NAV3: variants seen among roughly 807,000 people sequenced by gnomAD.
NAV3 encodes neuron navigator 3, also known as pore membrane and/or filament interacting like protein 1.
Under a neutral mutation model 244.7 loss-of-function variants are expected in NAV3, and 87 were observed. The ratio of observed to expected loss-of-function variants is 0.36; its 90% CI spans 0.30 to 0.42. NAV3 has a LOEUF of 0.42. NAV3 is among the 20% of genes least tolerant of loss of function. NAV3 has a pLI of 1.00. For synonymous variants in NAV3, 1,126 were observed against 1,042.2 expected (o/e 1.08, Z -1.55); for missense variants, 2,663 against 2,893.3 (o/e 0.92, Z 1.83).
chr12:78,041,940 CCTTT>C (rs1370623305), intron 9 of NAV3, among the ~76,000 whole-genome samples: 10 of 151,940 alleles, frequency 6.6e-5, no homozygotes, highest in Non-Finnish European at 1.3e-4. Flanking sequence ...CTTTTTGTTC[CCTTT>C]CTTTTTCTTC....
chr12:77,750,078 G>T (rs1194368245), intron 2 of NAV3, among the ~76,000 whole-genome samples: 2 of 152,138 alleles, frequency 1.3e-5, no homozygotes, highest in Admixed American at 6.5e-5. Flanking sequence ...TGTTGGCTAG[G>T]TGCGGTGGCT....
At chr12:78,062,408 A>G (rs1997183) in intron 12 of NAV3, among the ~76,000 whole-genome samples, 14,938 of 152,144 alleles carry the variant, frequency 0.098, 909 homozygotes, top group South Asian at 0.2. Context: ...GACATTGTAA[A>G]TCAAAAATAG....
chr12:78,204,304 A>G (rs375407225), intron 38 of NAV3, among the ~76,000 whole-genome samples: 1 of 152,114 alleles, frequency 6.6e-6, no homozygotes. Context: ...ATGTATACAT[A>G]TGTAACAATC....
chr12:77,791,919 A>G (rs984790214), intron 2 of NAV3, among the ~76,000 whole-genome samples: 5 of 152,248 alleles, frequency 3.3e-5, no homozygotes, highest in Non-Finnish European at 7.3e-5. Flanking sequence ...CATAGGTTAT[A>G]TGTTAATACT....
intron 2 of NAV3, among the ~76,000 whole-genome samples, chr12:77,765,003 C>T (rs1363460016): frequency 2.6e-5 from 4 of 152,214 alleles, no homozygotes; most frequent in Non-Finnish European, 5.9e-5. Flanking sequence ...TAAAAGGTTT[C>T]ATGAATCATA....
At position 77,702,536 on chromosome 12, in the gene NAV3, G is replaced by A. The variant is rs186231314; in HGVS notation, c.72+130270G>A. On this transcript the variant is annotated intron_variant, in intron 2 of 8. Transcript: ENST00000550042. ...ATTTTTTGTGCGTCTTTTCTTTCCT[G>A]CTTTCTTTCATAAAAACAGATTTGA... 3.6e-3 allele frequency among the ~76,000 whole-genome samples: 540 copies of A among 151,742 alleles called. 1 individual carries two copies. The highest frequency in any genetic ancestry group is 4.6e-3 in the Non-Finnish European group (315 of 67,772).
At chr12:77,888,268 T>TGAGACCAG (rs1883527700) in intron 1 of NAV3, among the ~76,000 whole-genome samples, 1 of 152,078 alleles carries the variant, frequency 6.6e-6, no homozygotes, top group Non-Finnish European at 1.5e-5. Flanking sequence ...GGGGATTACT[T>TGAGACCAG]GAGACCAGGA....
chr12:77,853,045 G>A (rs1474926240), intron 1 of NAV3, among the ~76,000 whole-genome samples: 1 of 152,176 alleles, frequency 6.6e-6, no homozygotes, highest in African/African-American at 2.4e-5. Flanking sequence ...GCTTTCATGA[G>A]TACGATTACT....
chr12:77,699,188 C>G (rs989224071), intron 2 of NAV3, among the ~76,000 whole-genome samples: 6 of 152,066 alleles, frequency 3.9e-5, no homozygotes, highest in Admixed American at 3.9e-4. Context: ...GACACGCTGG[C>G]TGTCTAGGGA....
intron 2 of NAV3, among the ~76,000 whole-genome samples, chr12:77,646,442 C>G (rs1393940159): frequency 2.0e-5 from 3 of 152,084 alleles, no homozygotes. Flanking sequence ...TGTCCTGAAG[C>G]AGAGGTGAAG....
At chr12:77,976,300 T>G (rs574428034) in intron 5 of NAV3, among the ~76,000 whole-genome samples, 1 of 151,938 alleles carries the variant, frequency 6.6e-6, no homozygotes, top group Admixed American at 6.6e-5. Context: ...CATGGAAAAA[T>G]AAGCAGATAG....
chr12:77,616,261 G>A (rs1227677616), intron 2 of NAV3, among the ~76,000 whole-genome samples: 2 of 151,972 alleles, frequency 1.3e-5, no homozygotes, highest in African/African-American at 4.8e-5. Flanking sequence ...ACAAAAATTA[G>A]CCAGGCATGG....
At chr12:77,958,261 T>G (rs1484649818) in intron 3 of NAV3, among the ~76,000 whole-genome samples, 12 of 152,208 alleles carry the variant, frequency 7.9e-5, no homozygotes, top group Non-Finnish European at 1.2e-4. Flanking sequence ...ATGTGAGTAG[T>G]TGAAATAATT....
chr12:77,686,929 C>G (rs895928239), intron 2 of NAV3, among the ~76,000 whole-genome samples: 2 of 151,588 alleles, frequency 1.3e-5, no homozygotes, highest in African/African-American at 4.9e-5. Context: ...CAAAACAAGC[C>G]TAAACATGTG....
intron 9 of NAV3, among the ~76,000 whole-genome samples, chr12:78,026,360 C>A (rs920924241): frequency 6.6e-6 from 1 of 152,106 alleles, no homozygotes. Context: ...TTGTACCCCT[C>A]GAAAACTCTT....
At chr12:77,806,157 C>G (rs1592699368) in intron 2 of NAV3, among the ~76,000 whole-genome samples, 2 of 152,106 alleles carry the variant, frequency 1.3e-5, no homozygotes, top group Non-Finnish European at 2.9e-5. Context: ...TTTTGTGTCT[C>G]TATCTCCTTC....
chr12:78,153,098 G>T (rs1266583353), intron 22 of NAV3, among the ~76,000 whole-genome samples: 1 of 151,742 alleles, frequency 6.6e-6, no homozygotes, highest in Non-Finnish European at 1.5e-5. Flanking sequence ...TTGGTATATC[G>T]CATATTTAAA....
At chr12:77,853,464 A>G (rs1877864245) in intron 1 of NAV3, among the ~76,000 whole-genome samples, 1 of 152,160 alleles carries the variant, frequency 6.6e-6, no homozygotes, top group African/African-American at 2.4e-5. Flanking sequence ...CTTTTGGGAA[A>G]CATAAATTCT....
chr12:77,941,907 A>ACTC (rs1889907051), intron 3 of NAV3, among the ~76,000 whole-genome samples: 1 of 152,238 alleles, frequency 6.6e-6, no homozygotes, highest in Admixed American at 6.5e-5. Flanking sequence ...TTCAGCACAG[A>ACTC]ATAGGCATTT....
Sources: allele counts gnomAD v4.1 joint callset (sites outside exome capture counted in the v4.1 genomes callset), GRCh38; gene constraint gnomAD v4.1.1; transcripts MANE v1.5; gene names NCBI Gene and HGNC (gene_info 2026-07-23, HGNC 2026-07-21).